The following FSTL4 variants were observed in gnomAD, a reference collection of about 807,000 sequenced individuals.
FSTL4 encodes follistatin-related protein 4.
Under a neutral mutation model 78.2 loss-of-function variants are expected in FSTL4, and 28 were observed. The ratio of observed to expected loss-of-function variants is 0.36; its 90% confidence interval spans 0.27 to 0.49. The LOEUF (loss-of-function observed/expected upper bound fraction) is 0.49, where lower values mean the gene tolerates loss of function less well. Among genes scored for constraint, FSTL4 ranks in the 20% least tolerant of loss-of-function variants. The pLI, the probability that FSTL4 is intolerant of heterozygous loss-of-function variation, is 0.98. For synonymous variants in FSTL4, 422 were observed against 440.5 expected (o/e 0.96, Z 0.53); for missense variants, 922 against 1,084.9 (o/e 0.85, Z 2.11).
In FSTL4 at chr5:133,199,378, T is replaced by TATTG; in HGVS notation, c.2242_2245dup (p.Tyr749SerfsTer79). The TATTG allele has an allele frequency of 1.2e-6, 2 of 1,614,098 alleles. No individual in the cohort carries two copies. Among genetic ancestry groups the TATTG allele is most frequent in the Non-Finnish European group, 1.7e-6 (2 of 1,180,014 alleles). The stretch of plus-strand genomic sequence containing the variant: ...CGTGTGCAGAGCCGCGTAGATGTTG[T>TATTG]ATTGATTGCTTTCAGTGAAGGAGCG... On this transcript the variant is annotated frameshift_variant, in exon 16 of 16. Transcript: ENST00000265342. LOFTEE classifies it low-confidence loss of function (END_TRUNC). This position sits in a 1 kb window ranked among gnomAD's most constrained non-coding sequence, Gnocchi z 4.4.
At chr5:133,671,046 C>T in the FSTL4 span, among the ~76,000 whole-genome samples, 2 of 152,168 alleles carry the variant, frequency 1.3e-5, no homozygotes, top group Admixed American at 6.5e-5. Flanking sequence ...CACATCAAGG[C>T]TACTATTCTT....
At chr5:133,819,692 T>C in the FSTL4 span, among the ~76,000 whole-genome samples, 3 of 152,244 alleles carry the variant, frequency 2.0e-5, no homozygotes, top group Admixed American at 2.0e-4. Flanking sequence ...AGACCTCCTG[T>C]TTCCACATTC....
At chr5:133,623,593 T>C in the FSTL4 span, among the ~76,000 whole-genome samples, 2 of 152,046 alleles carry the variant, frequency 1.3e-5, no homozygotes, top group African/African-American at 2.4e-5. Flanking sequence ...GATTTGGCAA[T>C]GTATCCTTAG....
At chr5:133,654,405 G>T in the FSTL4 span, among the ~76,000 whole-genome samples, 1 of 152,170 alleles carries the variant, frequency 6.6e-6, no homozygotes, top group Non-Finnish European at 1.5e-5. Context: ...GATTCTAAGC[G>T]CAGAAGGTAA....
At chr5:133,695,192 C>T in the FSTL4 span, among the ~76,000 whole-genome samples, 2 of 152,098 alleles carry the variant, frequency 1.3e-5, no homozygotes, top group Non-Finnish European at 2.9e-5. Context: ...ATCATCAATG[C>T]CATCATAGCT....
intron 2 of FSTL4, among the ~76,000 whole-genome samples, chr5:133,578,881 T>C (rs1206627440): frequency 6.6e-6 from 1 of 152,214 alleles, no homozygotes; most frequent in Non-Finnish European, 1.5e-5. Context: ...AGAGGGGAAT[T>C]TTCCAGTTGT....
the FSTL4 span, among the ~76,000 whole-genome samples, chr5:133,672,402 A>G: frequency 6.6e-6 from 1 of 152,214 alleles, no homozygotes. Context: ...GGTTTAAGCC[A>G]GTGCGATTTG....
rs976722450 is a variant in FSTL4 at position 133,457,981 on chromosome 5, C to T, written c.161-56995G>A. On this transcript the variant is annotated intron_variant, in intron 3 of 15. Coordinates refer to ENST00000265342, the MANE Select transcript of FSTL4 (RefSeq NM_015082.2). ...GTCAAATGTCACCAGGCAGAAGAAA[C>T]ACAGGAAAATTCATTCCCATAGCCT... 5 of 152,198 alleles carry T rather than the reference C, an allele frequency of 3.3e-5. No homozygotes were observed. In the East Asian group the frequency reaches 9.6e-4, roughly 29 times the overall value. The allele number at this position is 152,198 out of a possible 1,614,324, so 9.4% of individuals were successfully genotyped here. A position where few individuals can be genotyped will look rare whatever the true frequency, so the allele number is the denominator to read the frequency against.
the FSTL4 span, among the ~76,000 whole-genome samples, chr5:133,835,224 A>C: frequency 6.6e-6 from 1 of 152,168 alleles, no homozygotes; most frequent in Non-Finnish European, 1.5e-5. Flanking sequence ...GGAGCCCAGC[A>C]CACTTAAGAC....
chr5:133,838,163 C>T, the FSTL4 span, among the ~76,000 whole-genome samples: 1 of 152,222 alleles, frequency 6.6e-6, no homozygotes, highest in Non-Finnish European at 1.5e-5. Flanking sequence ...GCCTGGATTA[C>T]AGGTATGAGC....
intron 3 of FSTL4, among the ~76,000 whole-genome samples, chr5:133,519,700 T>A (rs1350661058): frequency 6.6e-6 from 1 of 152,196 alleles, no homozygotes; most frequent in African/African-American, 2.4e-5. Context: ...ATGCCTTTTA[T>A]AGAGAATTTT....
intron 3 of FSTL4, among the ~76,000 whole-genome samples, chr5:133,520,393 G>A (rs1758953348): frequency 6.6e-6 from 1 of 151,928 alleles, no homozygotes; most frequent in African/African-American, 2.4e-5. Context: ...GCACCAAGAT[G>A]GGAACCCCAG....
chr5:133,669,476 A>T, the FSTL4 span, among the ~76,000 whole-genome samples: 2 of 152,210 alleles, frequency 1.3e-5, no homozygotes, highest in Admixed American at 6.5e-5. Context: ...GGAAAATGAC[A>T]TCCTTCAGCC....
At chr5:133,595,886 T>C (rs256246) in intron 2 of FSTL4, among the ~76,000 whole-genome samples, 86,027 of 152,118 alleles carry the variant, frequency 0.57, 24,457 homozygotes, top group East Asian at 0.68. Context: ...GATTTTAGCC[T>C]CCGGGGCCCT....
the FSTL4 span, among the ~76,000 whole-genome samples, chr5:133,823,925 A>C: frequency 6.6e-6 from 1 of 152,162 alleles, no homozygotes; most frequent in African/African-American, 2.4e-5. Context: ...CTAAGGTTTA[A>C]TTTTTTAAAG....
intron 7 of FSTL4, among the ~76,000 whole-genome samples, chr5:133,234,983 G>A (rs1217790153): frequency 6.6e-6 from 1 of 152,094 alleles, no homozygotes; most frequent in Non-Finnish European, 1.5e-5. Flanking sequence ...GCCTTTCCCT[G>A]GCCCTTTCTG....
At chr5:133,463,581 G>A (rs758235554) in intron 3 of FSTL4, among the ~76,000 whole-genome samples, 4 of 152,166 alleles carry the variant, frequency 2.6e-5, no homozygotes, top group Non-Finnish European at 4.4e-5. Flanking sequence ...CAGGGGAAAT[G>A]GTCTGTTCCC....
chr5:133,667,277 C>A, the FSTL4 span, among the ~76,000 whole-genome samples: 5 of 152,124 alleles, frequency 3.3e-5, no homozygotes, highest in Non-Finnish European at 7.4e-5. Flanking sequence ...CAGTTGTTAT[C>A]ACTTCCACCA....
At chr5:133,778,433 A>G in the FSTL4 span, among the ~76,000 whole-genome samples, 10 of 152,362 alleles carry the variant, frequency 6.6e-5, no homozygotes, top group African/African-American at 2.4e-4. Context: ...ATAACTTAGA[A>G]TGATTATCAT....
Sources: allele counts gnomAD v4.1 joint callset (sites outside exome capture counted in the v4.1 genomes callset), GRCh38; gene constraint gnomAD v4.1.1; non-coding constraint Gnocchi (gnomAD v3.1); transcripts MANE v1.5; gene names NCBI Gene and HGNC (gene_info 2026-07-23, HGNC 2026-07-21).